Variants in YIPF7 observed in about 807,000 individuals in gnomAD.
YIPF7 encodes Yip1 domain family member 7, also known as protein YIPF7.
YIPF7 carries 35 observed loss-of-function variants against 27.2 expected under a neutral mutation model. The ratio of observed to expected loss-of-function variants is 1.29; its 90% CI spans 0.98 to 1.70. YIPF7 has a LOEUF of 1.70. Ranked by LOEUF, YIPF7 falls within the 40% of genes most tolerant of loss-of-function variation. YIPF7 has a pLI of 0.00. For missense variants in YIPF7, 358 were observed against 303.7 expected, an observed-to-expected ratio of 1.18 and a Z score of -1.33; for synonymous variants, 137 against 110.4, an observed-to-expected ratio of 1.24 and a Z score of -1.51.
intron 3 of YIPF7, among the ~76,000 whole-genome samples, chr4:44,635,571 C>T (rs1262736643): frequency 1.3e-5 from 2 of 152,142 alleles, no homozygotes; most frequent in African/African-American, 2.4e-5. Flanking sequence ...TTATGAAGTG[C>T]TTCATTAACA....
At position 44,625,511 on chromosome 4, in the gene YIPF7, A is replaced by G. The variant is rs573761657; in HGVS notation, c.427-729T>C. On this transcript the variant is annotated intron_variant, in intron 4 of 5. Transcript: ENST00000415895. ...ATTTAGTTGACCACAGAATCCTTTTATGTTTCATGATACCTATTGCCAGGT... is the reference window on the plus strand; with the variant it reads ...ATTTAGTTGACCACAGAATCCTTTTGTGTTTCATGATACCTATTGCCAGGT... Among the ~76,000 whole-genome samples, 42 of 152,310 alleles carry G rather than the reference A, an allele frequency of 2.8e-4. 1 individual carries two copies. The highest frequency in any genetic ancestry group is 1.9e-3 in the Admixed American group (29 of 15,298).
chr4:44,630,319 C>T (rs1712842810), intron 3 of YIPF7, among the ~76,000 whole-genome samples: 1 of 152,120 alleles, frequency 6.6e-6, no homozygotes, highest in African/African-American at 2.4e-5. Flanking sequence ...TCATATTGGC[C>T]ATGGCATAAT....
chr4:44,630,044 T>C (rs919548691), intron 3 of YIPF7, among the ~76,000 whole-genome samples: 4 of 152,204 alleles, frequency 2.6e-5, no homozygotes, highest in African/African-American at 9.6e-5. Flanking sequence ...TGGCACGATC[T>C]CAGCTCCTCC....
chr4:44,656,852 T>C (rs1713914716), intron 2 of YIPF7, among the ~76,000 whole-genome samples: 1 of 152,138 alleles, frequency 6.6e-6, no homozygotes, highest in African/African-American at 2.4e-5. Context: ...AAAAATAAAA[T>C]TTCTAATAAG....
rs1310400902 is a variant in YIPF7 at position 44,624,642 on chromosome 4, G to A, written c.567C>T (p.Pro189=). 1 of 1,601,188 alleles carries A rather than the reference G, an allele frequency of 6.2e-7. No individual in the cohort carries two copies. The change falls in exon 5 of 6, where the codon CCC becomes CCT. Residue 189 remains proline, a synonymous_variant. Transcript: ENST00000415895. The stretch of plus-strand genomic sequence containing the variant: ...TGGCGCAACCAGACAGGATGACCAT[G>A]GGGAGCAGGCAGTAACCCAGCACGC... ...VASVLGYCLL[P]MVILSGCAMF... is the part of the protein sequence containing the mutation.
At chr4:44,636,201 T>G in intron 2 of YIPF7, 116 bp from the exon 3 acceptor site, 1 of 1,091,438 alleles carries the variant, frequency 9.2e-7, no homozygotes, top group Non-Finnish European at 1.2e-6. Context: ...TATTTACTCA[T>G]GAAAGAAACA....
chr4:44,657,943 G>T lies in YIPF7; in HGVS notation c.-2+2506C>A, dbSNP rs181093989. On this transcript the variant is annotated intron_variant, in intron 2 of 2. Transcript: ENST00000508947. Reference sequence around the variant, plus strand: ...TCAGTAATTGCTATGGACTGGCAGGGTGTGGTGGCTCATACCTGTAATCCT... The same window carrying T: ...TCAGTAATTGCTATGGACTGGCAGGTTGTGGTGGCTCATACCTGTAATCCT... 2.0e-3 allele frequency among the ~76,000 whole-genome samples: 298 copies of T among 152,254 alleles called. 2 individuals carry two copies. Among genetic ancestry groups the T allele is most frequent in the African/African-American group, 6.8e-3 (284 of 41,538 alleles).
upstream of YIPF7, among the ~76,000 whole-genome samples, chr4:44,655,396 G>A (rs1054673788): frequency 1.3e-5 from 2 of 151,888 alleles, no homozygotes; most frequent in Admixed American, 1.3e-4. Flanking sequence ...TCTCTCACTC[G>A]CTCAGTTTTC....
At chr4:44,643,813 C>A (rs1187423437) in intron 2 of YIPF7, among the ~76,000 whole-genome samples, 1 of 152,164 alleles carries the variant, frequency 6.6e-6, no homozygotes, top group Non-Finnish European at 1.5e-5. Flanking sequence ...AGTGTAAAGC[C>A]TGCAGGGGCA....
At chr4:44,623,389 T>TA (rs1469178080) in intron 5 of YIPF7, among the ~76,000 whole-genome samples, 9 of 152,282 alleles carry the variant, frequency 5.9e-5, no homozygotes, top group African/African-American at 1.7e-4. Flanking sequence ...AAAGTGATGA[T>TA]AAAAATTGCA....
chr4:44,644,153 C>T (rs1212118794), intron 2 of YIPF7, among the ~76,000 whole-genome samples: 2 of 152,168 alleles, frequency 1.3e-5, no homozygotes, highest in African/African-American at 2.4e-5. Context: ...GTTGATGCTG[C>T]CCAAGGCCTT....
chr4:44,623,146 T>G (rs75798652), intron 5 of YIPF7, among the ~76,000 whole-genome samples: 1 of 152,202 alleles, frequency 6.6e-6, no homozygotes. Context: ...ATTTTGTATA[T>G]TTTTAGAATG....
intron 2 of YIPF7, among the ~76,000 whole-genome samples, chr4:44,649,106 T>G (rs1311690846): frequency 1.3e-5 from 2 of 152,186 alleles, no homozygotes; most frequent in Admixed American, 1.3e-4. Flanking sequence ...TCGTTATATT[T>G]GGATTTGCAG....
chr4:44,624,819 A>C (rs1209860276), intron 4 of YIPF7, 37 bp from the exon 5 acceptor site: 2 of 1,552,328 alleles, frequency 1.3e-6, no homozygotes, highest in Non-Finnish European at 1.7e-6. Context: ...TTGAACACAC[A>C]ATGGACACCG....
chr4:44,622,637 G>T, intron 5 of YIPF7, 61 bp from the exon 6 acceptor site: 1 of 1,575,388 alleles, frequency 6.3e-7, no homozygotes, highest in East Asian at 2.3e-5. Flanking sequence ...TTGAGTTAAA[G>T]TTGCCTCTGA....
At chr4:44,634,840 A>G (rs1361531517) in intron 3 of YIPF7, among the ~76,000 whole-genome samples, 1 of 152,198 alleles carries the variant, frequency 6.6e-6, no homozygotes, top group Non-Finnish European at 1.5e-5. Context: ...AAAGTCAAGG[A>G]AAATGTTTAA....
In YIPF7 at chr4:44,629,534, A is replaced by C. The variant is rs1712806008; in HGVS notation, c.295T>G (p.Phe99Val). The change falls in exon 4 of 6, where the codon TTT becomes GTT. Residue 99 changes from phenylalanine (F) to valine (V), a missense_variant. By Grantham distance (50) the Phe-to-Val change is conservative (BLOSUM62 -1). Coordinates refer to ENST00000415895, the MANE Select transcript of YIPF7 (RefSeq NM_182592.3). ...PPLLEELGIH[F>V]DHIWQKTLTV... ...AAAGTTTTTTGCCATATGTGATCAA[A>C]ATGGATTCCAAGTTCTGTAAAAAGG... 6.5e-7 allele frequency: 1 copy of C among 1,541,114 alleles called. No individual in the cohort carries two copies.
intron 3 of YIPF7, 78 bp downstream of exon 3, chr4:44,635,844 T>C: frequency 6.7e-7 from 1 of 1,486,828 alleles, no homozygotes; most frequent in South Asian, 1.3e-5. Context: ...CACTGCAGGC[T>C]GACAGCACAC....
chr4:44,630,272 T>C (rs963371277), intron 3 of YIPF7, among the ~76,000 whole-genome samples: 5 of 152,144 alleles, frequency 3.3e-5, no homozygotes, highest in African/African-American at 1.2e-4. Context: ...CTGGCCCTTT[T>C]CCTGTATTTT....
Sources: allele counts gnomAD v4.1 joint callset (sites outside exome capture counted in the v4.1 genomes callset), GRCh38; gene constraint gnomAD v4.1.1; transcripts MANE v1.5; gene names NCBI Gene and HGNC (gene_info 2026-07-23, HGNC 2026-07-21).